Variants in GAP43 observed in about 807,000 individuals in gnomAD.
GAP43 encodes growth associated protein 43, also known as neuromodulin.
In GAP43, 6 loss-of-function variants were observed where a neutral mutation model predicts 18.6. The ratio of observed to expected loss-of-function variants is 0.32; its 90% CI spans 0.18 to 0.64. The LOEUF (loss-of-function observed/expected upper bound fraction) is 0.64, where lower values mean the gene tolerates loss of function less well. Among genes scored for constraint, GAP43 ranks in the 30% least tolerant of loss-of-function variants. The probability of loss-of-function intolerance (pLI) is 0.78; values close to 1 mark genes in which losing one functional copy is unlikely to be tolerated. For missense variants in GAP43, 292 were observed against 295.5 expected (o/e 0.99, Z 0.09); for synonymous variants, 115 against 111.4 (o/e 1.03, Z -0.20).
chr3:115,711,022 G>C (rs893737700), intron 2 of GAP43, among the ~76,000 whole-genome samples: 4 of 152,170 alleles, frequency 2.6e-5, no homozygotes, highest in South Asian at 2.1e-4. Context: ...AAGATTACTG[G>C]GCTGTGAGTC....
At chr3:115,687,639 G>A (rs2107356131) in intron 2 of GAP43, among the ~76,000 whole-genome samples, 1 of 152,294 alleles carries the variant, frequency 6.6e-6, no homozygotes, top group Middle Eastern at 3.4e-3. Flanking sequence ...AATTGCGGTT[G>A]TTTTGCAGAG....
intron 1 of GAP43, among the ~76,000 whole-genome samples, chr3:115,643,353 T>C (rs536784636): frequency 6.6e-6 from 1 of 152,180 alleles, no homozygotes; most frequent in South Asian, 2.1e-4. Flanking sequence ...GGGTCCACTT[T>C]CACTTGGTTG....
rs2107383688 is a variant in GAP43, at chr3:115,720,809, C to G, written c.644C>G (p.Thr215Ser). ...AEENIEAVDE[T>S]KPKESARQDE... ...TCTTTCTCAGAAGCTGTAGATGAAA[C>G]CAAACCTAAGGAAAGTGCCCGGCAG... Residue 215 changes from threonine (T) to serine (S), a missense_variant, in exon 3 of 3, where the codon ACC (threonine) becomes AGC (serine). Thr to Ser is a moderately conservative substitution (Grantham distance 58, BLOSUM62 1). Transcript: ENST00000305124. 1 of 1,612,774 alleles carries G rather than the reference C, an allele frequency of 6.2e-7. No homozygotes were observed. The highest frequency in any genetic ancestry group is 1.1e-5 in the South Asian group (1 of 91,034).
rs186863648 is a variant in GAP43 at position 115,641,555 on chromosome 3, G to C, written c.30+17836G>C. Among the ~76,000 whole-genome samples the C allele has an allele frequency of 2.3e-3, 284 of 126,152 alleles. 3 individuals carry two copies. The highest frequency in any genetic ancestry group is 7.6e-3 in the African/African-American group (266 of 35,226). 82.8% of individuals were successfully genotyped at this position (126,152 alleles called of 152,430 possible). A position where few individuals can be genotyped will look rare whatever the true frequency, so the allele number is the denominator to read the frequency against. On this transcript the variant is annotated intron_variant, in intron 1 of 2. Transcript: ENST00000305124. The stretch of plus-strand genomic sequence containing the variant: ...ACACACACACACACGGTGCTTTCCT[G>C]TTTCCCTAGAGACTGCTAAAAGGCT...
At chr3:115,706,349 C>T (rs1709362609) in intron 2 of GAP43, among the ~76,000 whole-genome samples, 1 of 152,016 alleles carries the variant, frequency 6.6e-6, no homozygotes, top group Admixed American at 6.6e-5. Flanking sequence ...TGGAGAATTG[C>T]CATCCTCTCT....
intron 1 of GAP43, chr3:115,664,010 A>G (rs1708700454): frequency 8.5e-7 from 1 of 1,175,500 alleles, no homozygotes. Context: ...CAAATTACTT[A>G]ATTACTTAAC....
chr3:115,627,797 C>T (rs1318420491), intron 1 of GAP43, among the ~76,000 whole-genome samples: 1 of 152,078 alleles, frequency 6.6e-6, no homozygotes, highest in East Asian at 1.9e-4. Context: ...AGGAATTCTC[C>T]CTTTTCAATT....
rs532163029 is a variant in GAP43 at position 115,683,137 on chromosome 3, G to A, written c.628+6527G>A. Among the ~76,000 whole-genome samples, 332 of 123,414 alleles carry A rather than the reference G, an allele frequency of 2.7e-3. 2 individuals carry two copies. Among genetic ancestry groups the A allele is most frequent in the Admixed American group, 4.9e-3 (60 of 12,324 alleles). The allele number at this position is 123,414 out of a possible 152,430, so 81.0% of individuals were successfully genotyped here. On this transcript the variant is annotated intron_variant, in intron 2 of 2. Transcript: ENST00000305124. Reference sequence around the variant, plus strand: ...TCTACATACATGTGCGCGCGCGTGCGCGCGCGCGCGCACACACACACACAC... The same window carrying A: ...TCTACATACATGTGCGCGCGCGTGCACGCGCGCGCGCACACACACACACAC...
At chr3:115,638,653 T>G (rs914157008) in intron 1 of GAP43, among the ~76,000 whole-genome samples, 1 of 151,918 alleles carries the variant, frequency 6.6e-6, no homozygotes, top group African/African-American at 2.4e-5. Context: ...ATTGCAATTG[T>G]GTTATTTCAT....
At chr3:115,707,200 A>G (rs879756754) in intron 2 of GAP43, among the ~76,000 whole-genome samples, 4 of 152,212 alleles carry the variant, frequency 2.6e-5, no homozygotes, top group Admixed American at 6.5e-5. Context: ...CAACCCCATG[A>G]GGTGGGTACC....
At chr3:115,695,889 A>G (rs1709182121) in intron 2 of GAP43, among the ~76,000 whole-genome samples, 1 of 152,164 alleles carries the variant, frequency 6.6e-6, no homozygotes, top group Admixed American at 6.5e-5. Context: ...AAACACTTTC[A>G]TGATTGCTCG....
At chr3:115,649,579 T>G (rs1443025012) in intron 1 of GAP43, among the ~76,000 whole-genome samples, 1 of 151,778 alleles carries the variant, frequency 6.6e-6, no homozygotes, top group Non-Finnish European at 1.5e-5. Context: ...TCAGCAGAGT[T>G]CCTTATGGAG....
chr3:115,651,367 TTAAG>T (rs1395824663), intron 1 of GAP43, among the ~76,000 whole-genome samples: 1 of 152,076 alleles, frequency 6.6e-6, no homozygotes, highest in African/African-American at 2.4e-5. Flanking sequence ...GTTTGAAAAG[TTAAG>T]TTAGTGTTTG....
At chr3:115,696,808 T>G (rs75965924) in intron 2 of GAP43, among the ~76,000 whole-genome samples, 6,139 of 151,856 alleles carry the variant, frequency 0.04, 366 homozygotes, top group East Asian at 0.17. Context: ...TTATTTTCAG[T>G]AATTTTTGTT....
At chr3:115,700,648 GAA>G (rs556519222) in intron 2 of GAP43, among the ~76,000 whole-genome samples, 237 of 152,180 alleles carry the variant, frequency 1.6e-3, no homozygotes, top group African/African-American at 5.0e-3. Flanking sequence ...TAACTTCAGT[GAA>G]AAAGTCTTTT....
intron 2 of GAP43, among the ~76,000 whole-genome samples, chr3:115,707,007 C>T (rs928271517): frequency 2.0e-5 from 3 of 152,100 alleles, no homozygotes; most frequent in Admixed American, 1.3e-4. Flanking sequence ...AATGGAAAAG[C>T]AGCAAAGATA....
rs1559786086 is a variant in GAP43, at chr3:115,623,683, G to GACA, written c.-4_-2dup. 3.1e-6 allele frequency: 5 copies of GACA among 1,614,182 alleles called. No homozygotes were observed. The highest frequency in any genetic ancestry group is 3.4e-6 in the Non-Finnish European group (4 of 1,180,000). Reference sequence around the variant, plus strand: ...AAGGCAGGAAGAAGGCAAGGGACGAGACAACCATGCTGTGCTGTATGAGAA... The same window carrying GACA: ...AAGGCAGGAAGAAGGCAAGGGACGAGACAACAACCATGCTGTGCTGTATGAGAA... On this transcript the variant is annotated 5_prime_UTR_variant, in exon 1 of 3. Coordinates refer to ENST00000305124, the MANE Select transcript of GAP43 (RefSeq NM_002045.4).
intron 2 of GAP43, among the ~76,000 whole-genome samples, chr3:115,686,838 T>A (rs1235907653): frequency 6.6e-6 from 1 of 152,204 alleles, no homozygotes; most frequent in East Asian, 1.9e-4. Context: ...TAACATTTAA[T>A]GCAGAGGAAG....
intron 1 of GAP43, among the ~76,000 whole-genome samples, chr3:115,650,835 A>T (rs772087235): frequency 8.5e-5 from 13 of 152,174 alleles, no homozygotes; most frequent in Admixed American, 2.0e-4. Context: ...TGTGTGGAGG[A>T]AAGTAAAATC....
Sources: gnomAD v4.1 joint callset for allele counts (sites outside exome capture counted in the v4.1 genomes callset) on GRCh38, gnomAD v4.1.1 for gene constraint, MANE v1.5 for transcripts, NCBI Gene and HGNC (gene_info 2026-07-23, HGNC 2026-07-21) for gene names.